The following FAM135B variants were observed in gnomAD, a reference collection of about 807,000 sequenced individuals.
FAM135B encodes the protein protein FAM135B.
A neutral mutation model predicts 127.7 loss-of-function variants in FAM135B; 43 were observed. The observed-to-expected ratio is 0.34, with a 90% CI of 0.26 to 0.43. FAM135B has a LOEUF of 0.43. Ranked by LOEUF, FAM135B falls within the 20% of genes least tolerant of loss-of-function variation. The probability of loss-of-function intolerance (pLI) is 1.00; values close to 1 mark genes in which losing one functional copy is unlikely to be tolerated. For missense variants in FAM135B, 1,558 were observed against 1,725.6 expected (o/e 0.90, Z 1.72); for synonymous variants, 670 against 665.1 (o/e 1.01, Z -0.11).
intron 1 of FAM135B, among the ~76,000 whole-genome samples, chr8:138,388,268 G>A (rs1832337238): frequency 6.6e-6 from 1 of 152,206 alleles, no homozygotes; most frequent in African/African-American, 2.4e-5. Context: ...AACATGTGGA[G>A]TAATAGAAAC....
intron 1 of FAM135B, among the ~76,000 whole-genome samples, chr8:138,410,344 G>C (rs768212738): frequency 6.6e-6 from 1 of 152,134 alleles, no homozygotes; most frequent in Non-Finnish European, 1.5e-5. Context: ...CGATGCCCTT[G>C]TGTGATCCTA....
intron 1 of FAM135B, 67 bp from the exon 2 acceptor site, chr8:138,368,069 A>T: frequency 4.6e-6 from 5 of 1,078,046 alleles, no homozygotes; most frequent in Non-Finnish European, 7.1e-6. Flanking sequence ...CCTGGCTTTT[A>T]CAACAGGAAA....
rs566365468 is a variant in FAM135B, at chr8:138,248,041, C to T, written c.542+2800G>A. On this transcript the variant is annotated intron_variant, in intron 6 of 19. Coordinates refer to ENST00000395297, the MANE Select transcript of FAM135B (RefSeq NM_015912.4). ...TGCTTATTATGTGCTAGACATGAGGCCTAGGTGAGGGCTTGGAATATGGGA... is the reference window on the plus strand; with the variant it reads ...TGCTTATTATGTGCTAGACATGAGGTCTAGGTGAGGGCTTGGAATATGGGA... Among the ~76,000 whole-genome samples the T allele has an allele frequency of 3.3e-5, 5 of 152,242 alleles. No homozygotes were observed. The South Asian group carries it at 1.0e-3, about 32-fold the overall frequency.
Position 138,152,612 on chromosome 8 carries a change from T to C in FAM135B, c.1863A>G (p.Gly621=). ...TLHELSTLGK[G]IDQEGKMVLL... ...GCACCATCTTCCCCTCTTGATCTAT[T>C]CCCTTTCCTAGAGTACTTAATTCAT... Residue 621 remains glycine (G), a synonymous_variant, in exon 13 of 20, where the codon GGA becomes GGG. Coordinates refer to ENST00000395297, the MANE Select transcript of FAM135B (RefSeq NM_015912.4). 6.2e-7 allele frequency: 1 copy of C among 1,614,202 alleles called. No homozygotes were observed. The highest frequency in any genetic ancestry group is 8.5e-7 in the Non-Finnish European group (1 of 1,180,038).
At chr8:138,231,941 A>C (rs1819935555) in intron 7 of FAM135B, among the ~76,000 whole-genome samples, 2 of 152,232 alleles carry the variant, frequency 1.3e-5, no homozygotes, top group Admixed American at 1.3e-4. Flanking sequence ...GTGGGGAGAA[A>C]GGGATTCCCC....
At chr8:138,455,031 C>T (rs78962492) in intron 1 of FAM135B, among the ~76,000 whole-genome samples, 5,260 of 152,248 alleles carry the variant, frequency 0.035, 266 homozygotes, top group African/African-American at 0.1. Context: ...CTGAAATTGA[C>T]AGAAAGATGT....
At chr8:138,209,420 C>T (rs990276583) in intron 7 of FAM135B, among the ~76,000 whole-genome samples, 2 of 151,948 alleles carry the variant, frequency 1.3e-5, no homozygotes, top group African/African-American at 2.4e-5. Context: ...AAGAGGAGGG[C>T]GTGACAAGCA....
At chr8:138,244,276 G>C (rs921891674) in intron 6 of FAM135B, among the ~76,000 whole-genome samples, 3 of 146,022 alleles carry the variant, frequency 2.1e-5, no homozygotes, top group Non-Finnish European at 4.4e-5. Flanking sequence ...GTGTGTGCAG[G>C]AGAGCAATTT....
At chr8:138,335,767 C>G (rs2131021896) in intron 2 of FAM135B, among the ~76,000 whole-genome samples, 1 of 152,340 alleles carries the variant, frequency 6.6e-6, no homozygotes, top group African/African-American at 2.4e-5. Flanking sequence ...TAATAGACAT[C>G]TACAGAACTC....
At chr8:138,168,087 G>A in intron 11 of FAM135B, 38 bp from the exon 12 acceptor site, 1 of 1,571,446 alleles carries the variant, frequency 6.4e-7, no homozygotes, top group African/African-American at 1.4e-5. Flanking sequence ...CCAGGGAAGA[G>A]TCAGAGGTTT....
At chr8:138,217,583 G>A (rs568273884) in intron 7 of FAM135B, among the ~76,000 whole-genome samples, 6 of 151,568 alleles carry the variant, frequency 4.0e-5, no homozygotes, top group South Asian at 4.2e-4. Context: ...GGCGCCCACC[G>A]CCACACCCAG....
At chr8:138,236,871 A>G (rs1440601996) in intron 7 of FAM135B, among the ~76,000 whole-genome samples, 1 of 152,186 alleles carries the variant, frequency 6.6e-6, no homozygotes, top group Non-Finnish European at 1.5e-5. Context: ...AGTTTTATTC[A>G]TTGTCTTAGT....
chr8:138,162,729 CA>C (rs1279885460), intron 12 of FAM135B, among the ~76,000 whole-genome samples: 1 of 152,184 alleles, frequency 6.6e-6, no homozygotes, highest in East Asian at 1.9e-4. Flanking sequence ...GCAGCATGGG[CA>C]AAGGCCCAGA....
intron 3 of FAM135B, among the ~76,000 whole-genome samples, chr8:138,273,514 T>C (rs1370413935): frequency 6.6e-6 from 1 of 152,192 alleles, no homozygotes; most frequent in Non-Finnish European, 1.5e-5. Flanking sequence ...AAAGGGAATC[T>C]TTAATTACCC....
intron 4 of FAM135B, among the ~76,000 whole-genome samples, chr8:138,257,756 G>A (rs1822204289): frequency 6.6e-6 from 1 of 152,022 alleles, no homozygotes; most frequent in African/African-American, 2.4e-5. Flanking sequence ...GCCAAGTATT[G>A]TCTGCTGATG....
At chr8:138,453,141 G>A (rs1033751145) in intron 1 of FAM135B, among the ~76,000 whole-genome samples, 5 of 152,124 alleles carry the variant, frequency 3.3e-5, no homozygotes, top group South Asian at 2.1e-4. Context: ...TGAGCTTCAG[G>A]AAAGATGCAA....
chr8:138,218,764 CACAGAG>C (rs781658389), intron 7 of FAM135B, among the ~76,000 whole-genome samples: 2,987 of 67,162 alleles, frequency 0.044, 48 homozygotes, highest in East Asian at 0.2. Context: ...CACACACACA[CACAGAG>C]AGAGAGAGAG....
In FAM135B at chr8:138,151,814, T is replaced by A. The variant is rs202149563; in HGVS notation, c.2661A>T (p.Ala887=). The part of the protein sequence containing the change: ...GLNLKIPRVI[A]LENPRTRSLH... ...GAGATCTGGTCCTGGGGTTTTCAAGTGCTATGACGCGTGGTATTTTTAAAT... is the reference window on the plus strand; with the variant it reads ...GAGATCTGGTCCTGGGGTTTTCAAGAGCTATGACGCGTGGTATTTTTAAAT... Residue 887 remains alanine, a synonymous_variant, in exon 13 of 20, where the codon GCA becomes GCT. Coordinates refer to ENST00000395297, the MANE Select transcript of FAM135B (RefSeq NM_015912.4). The A allele has an allele frequency of 4.3e-6, 7 of 1,614,172 alleles. No individual in the cohort carries two copies. The highest frequency in any genetic ancestry group is 1.3e-5 in the African/African-American group (1 of 75,032).
chr8:138,492,422 T>C (rs1815239867), intron 1 of FAM135B, among the ~76,000 whole-genome samples: 1 of 152,120 alleles, frequency 6.6e-6, no homozygotes, highest in Non-Finnish European at 1.5e-5. Context: ...AAGTCAAGCA[T>C]CTCTGCAGAG....
Sources: gnomAD v4.1 joint callset for allele counts (sites outside exome capture counted in the v4.1 genomes callset) on GRCh38, gnomAD v4.1.1 for gene constraint, MANE v1.5 for transcripts, NCBI Gene and HGNC (gene_info 2026-07-23, HGNC 2026-07-21) for gene names.